Variants in SH2D2A observed in about 807,000 individuals in gnomAD.
The protein encoded by SH2D2A is SH2 domain-containing protein 2A.
SH2D2A carries 33 observed loss-of-function variants against 43.6 expected under a neutral mutation model. The observed-to-expected ratio is 0.76, with a 90% confidence interval of 0.57 to 1.01. The LOEUF (loss-of-function observed/expected upper bound fraction) is 1.01, where lower values mean the gene tolerates loss of function less well. Among genes scored for constraint, SH2D2A ranks in the 50% least tolerant of loss-of-function variants. SH2D2A has a pLI of 0.00. For synonymous variants in SH2D2A, 212 were observed against 206.1 expected (o/e 1.03, Z -0.25); for missense variants, 491 against 503.1 (o/e 0.98, Z 0.23).
In SH2D2A at chr1:156,816,668, CACTT is replaced by C; in HGVS notation, c.34+3_34+6del. 1 of 1,602,072 alleles carries C rather than the reference CACTT, an allele frequency of 6.2e-7. No homozygotes were observed. The highest frequency in any genetic ancestry group is 8.5e-7 in the Non-Finnish European group (1 of 1,173,812). On this transcript the variant is annotated splice_donor_5th_base_variant and intron_variant, in intron 1 of 8. Coordinates refer to ENST00000368199, the MANE Select transcript of SH2D2A (RefSeq NM_003975.4). ...CTCCCACCCATATCCTTCAACTTCA[CACTT>C]ACCTTGGGGACATATCTGGGCCAGG...
rs780720483 is a variant in SH2D2A, at chr1:156,816,702, A to T, written c.7T>A (p.Phe3Ile). 6 of 1,598,562 alleles carry T rather than the reference A, an allele frequency of 3.8e-6. No individual in the cohort carries two copies. The highest frequency in any genetic ancestry group is 4.3e-6 in the Non-Finnish European group (5 of 1,172,104). The change falls in exon 1 of 9, where the codon TTC (phenylalanine) becomes ATC (isoleucine). Residue 3 changes from phenylalanine to isoleucine, a missense_variant. Coordinates refer to ENST00000368199, the MANE Select transcript of SH2D2A (RefSeq NM_003975.4). MEFPLAQICPQGS... is the reference protein window; with the variant it reads MEIPLAQICPQGS... ...TGGGGACATATCTGGGCCAGGGGGAACTCCATGAGGGCAGCCTCACAAGGG... is the reference window on the plus strand; with the variant it reads ...TGGGGACATATCTGGGCCAGGGGGATCTCCATGAGGGCAGCCTCACAAGGG...
At chr1:156,814,167 C>T (rs752083982) in intron 4 of SH2D2A, 38 bp downstream of exon 4, 6 of 1,611,606 alleles carry the variant, frequency 3.7e-6, no homozygotes, top group South Asian at 1.1e-5. Context: ...CTCCCGAGCC[C>T]CGCCTTGTGT....
At chr1:156,813,777 G>A in intron 5 of SH2D2A, 71 bp downstream of exon 5, 1 of 1,325,414 alleles carries the variant, frequency 7.5e-7, no homozygotes. Flanking sequence ...CGCGTCCTGC[G>A]CCTGGGCTCT....
chr1:156,815,494 G>A (rs896788698), intron 2 of SH2D2A: 5 of 592,442 alleles, frequency 8.4e-6, no homozygotes, highest in Non-Finnish European at 1.5e-5. Context: ...CTCTAGGAGG[G>A]GCGGGAAAGG....
rs753357303 is a variant in SH2D2A, at chr1:156,809,618, G to A, written c.714+43C>T. The A allele has an allele frequency of 2.5e-6, 4 of 1,579,126 alleles. No individual in the cohort carries two copies. The highest frequency in any genetic ancestry group is 1.4e-5 in the African/African-American group (1 of 73,238). On this transcript the variant is annotated intron_variant, in intron 6 of 8. Coordinates refer to ENST00000368199, the MANE Select transcript of SH2D2A (RefSeq NM_003975.4). This position sits in a 1 kb window ranked among gnomAD's most constrained non-coding sequence, Gnocchi z 4.8. ...TCCTCCCCGCTGCCTGCACCCCCTC[G>A]CAGGCCTGTCCTCCCACTCCCTCAG...
intron 5 of SH2D2A, among the ~76,000 whole-genome samples, chr1:156,812,132 C>A (rs1653462226): frequency 3.9e-5 from 6 of 152,116 alleles, no homozygotes; most frequent in Admixed American, 3.9e-4. Flanking sequence ...CACAAAAACC[C>A]AGCAGCTCCA....
At chr1:156,812,741 G>T (rs1653504346) in intron 5 of SH2D2A, among the ~76,000 whole-genome samples, 1 of 152,162 alleles carries the variant, frequency 6.6e-6, no homozygotes, top group Admixed American at 6.5e-5. Flanking sequence ...GGAGCTGCTG[G>T]TGGAGCTCTT....
chr1:156,808,553 G>A (rs1318636645), intron 7 of SH2D2A, among the ~76,000 whole-genome samples: 1 of 152,138 alleles, frequency 6.6e-6, no homozygotes, highest in Non-Finnish European at 1.5e-5. Flanking sequence ...GGAAGGGTCT[G>A]AGGAGGGAGG....
At chr1:156,810,202 TTG>T (rs1158267354) in intron 5 of SH2D2A, among the ~76,000 whole-genome samples, 1 of 151,826 alleles carries the variant, frequency 6.6e-6, no homozygotes, top group East Asian at 1.9e-4. Flanking sequence ...CACCGGCTAA[TTG>T]TGTTTTCATT....
intron 2 of SH2D2A, 50 bp from the exon 3 acceptor site, chr1:156,815,271 C>G: frequency 7.4e-7 from 1 of 1,348,536 alleles, no homozygotes; most frequent in Middle Eastern, 1.9e-4. Context: ...ATGAGTGGGC[C>G]TTCTCCTGAC....
Position 156,809,784 on chromosome 1 carries a change from G to T in SH2D2A, c.591C>A (p.Ser197=), listed in dbSNP as rs754777333. 1.9e-6 allele frequency: 3 copies of T among 1,613,938 alleles called. No homozygotes were observed. In the East Asian group the frequency reaches 6.7e-5, roughly 36 times the overall value. ...CAAAGTTTGATTCTTCGGTCCTCAG[G>T]GAAAGTCCTGCAGGCTCAGGAGTCT... ...ARQTPEPAGL[S]LRTEESNFGS... Residue 197 remains serine (S), a synonymous_variant, in exon 6 of 9, where the codon TCC becomes TCA. Coordinates refer to ENST00000368199, the MANE Select transcript of SH2D2A (RefSeq NM_003975.4). This position sits in a 1 kb window ranked among gnomAD's most constrained non-coding sequence, Gnocchi z 4.8.
rs926103 is a variant in SH2D2A at position 156,815,190 on chromosome 1, T to C, written c.155A>G (p.Asn52Ser). ...ASPQAPEAAS[N>S]TGNAERAEEV... is the part of the protein sequence containing the mutation. ...CTCTGCCCTCTCAGCATTCCCTGTG[T>C]TGGAGGCAGCCTCCGGGGCCTGGGG... The change falls in exon 3 of 9, where the codon AAC becomes AGC. Residue 52 changes from asparagine to serine, a missense_variant. Physicochemically the swap from Asn to Ser is conservative, Grantham distance 46. Coordinates refer to ENST00000368199, the MANE Select transcript of SH2D2A (RefSeq NM_003975.4). 0.64 allele frequency: 1,013,187 copies of C among 1,583,494 alleles called. 328,186 individuals carry two copies. The highest frequency in any genetic ancestry group is 0.82 in the East Asian group (35,761 of 43,646).
intron 5 of SH2D2A, 92 bp downstream of exon 5, chr1:156,813,756 G>T (rs1653588503): frequency 3.2e-6 from 4 of 1,232,226 alleles, no homozygotes; most frequent in Non-Finnish European, 4.2e-6. Context: ...GGATGAGAAA[G>T]TGCCTGGTGC....
At position 156,816,086 on chromosome 1, in the gene SH2D2A, C is replaced by G. The variant is rs756324388; in HGVS notation, c.43G>C (p.Glu15Gln). 6.2e-7 allele frequency: 1 copy of G among 1,613,284 alleles called. No homozygotes were observed. Among genetic ancestry groups the G allele is most frequent in the East Asian group, 2.2e-5 (1 of 44,860 alleles). Residue 15 changes from glutamate to glutamine, a missense_variant, in exon 2 of 9, where the codon GAA (glutamate) becomes CAA (glutamine). Physicochemically the swap from Glu to Gln is conservative, Grantham distance 29 (BLOSUM62 2). Transcript: ENST00000368199. ...LAQICPQGSH[E>Q]APIPTFSTFQ... ...GTGCTGAAGGTTGGGATGGGGGCTT[C>G]GTGACTCCCTGTGAGCACAAAGAGG...
chr1:156,812,942 C>A (rs1327625731), intron 5 of SH2D2A, among the ~76,000 whole-genome samples: 1 of 152,226 alleles, frequency 6.6e-6, no homozygotes, highest in Non-Finnish European at 1.5e-5. Flanking sequence ...AGTGGTCCCT[C>A]AGCACTGCCT....
rs750047089 is a variant in SH2D2A, at chr1:156,815,126, C to T, written c.219G>A (p.Glu73=). The T allele has an allele frequency of 4.3e-6, 7 of 1,610,096 alleles. No individual in the cohort carries two copies. The highest frequency in any genetic ancestry group is 5.9e-6 in the Non-Finnish European group (7 of 1,178,384). The change falls in exon 3 of 9, where the codon GAG becomes GAA. Residue 73 remains glutamate (E), a synonymous_variant. Transcript: ENST00000368199. ...PGEGSLFLQA[E]TRAWFQKTQA... ...GGGTCTTCTGGAACCAAGCCCGGGTCTCGGCCTGCAGGAACAGGCTTCCTT... is the reference window on the plus strand; with the variant it reads ...GGGTCTTCTGGAACCAAGCCCGGGTTTCGGCCTGCAGGAACAGGCTTCCTT...
Position 156,807,174 on chromosome 1 carries a change from C to G in SH2D2A, c.*3+1G>C, listed in dbSNP as rs1305420084. ...GTTATCCTCACCAAGCTCAGACTTA[C>G]CGCCTACTGAGGAGGCCCAAGGGGA... On this transcript the variant is annotated splice_donor_variant, in intron 8 of 8. Coordinates refer to ENST00000368199, the MANE Select transcript of SH2D2A (RefSeq NM_003975.4). LOFTEE classifies it low-confidence loss of function (3UTR_SPLICE). This position sits in a 1 kb window ranked among gnomAD's most constrained non-coding sequence, Gnocchi z 5.1. 2 of 1,612,496 alleles carry G rather than the reference C, an allele frequency of 1.2e-6. No homozygotes were observed. Among genetic ancestry groups the G allele is most frequent in the East Asian group, 2.2e-5 (1 of 44,866 alleles).
chr1:156,814,363 C>A, intron 3 of SH2D2A, 69 bp from the exon 4 acceptor site: 6 of 1,565,046 alleles, frequency 3.8e-6, no homozygotes, highest in Non-Finnish European at 5.2e-6. Flanking sequence ...GTCTCCCCGG[C>A]TCTCACGAGG....
chr1:156,810,525 A>AT (rs59571284), intron 5 of SH2D2A, among the ~76,000 whole-genome samples: 1,856 of 146,640 alleles, frequency 0.013, 16 homozygotes, highest in Middle Eastern at 0.028. Flanking sequence ...AATATAAGCT[A>AT]TTTTTTTTTT....
Sources: allele counts gnomAD v4.1 joint callset (sites outside exome capture counted in the v4.1 genomes callset), GRCh38; gene constraint gnomAD v4.1.1; non-coding constraint Gnocchi (gnomAD v3.1); transcripts MANE v1.5; gene names NCBI Gene and HGNC (gene_info 2026-07-23, HGNC 2026-07-21).